Variants in OVGP1 observed in about 807,000 individuals in gnomAD.
OVGP1 encodes the protein oviductal glycoprotein 1.
Under a neutral mutation model 48.2 loss-of-function variants are expected in OVGP1, and 26 were observed. That is an observed-to-expected ratio of 0.54 (90% CI 0.40 to 0.75). The LOEUF (loss-of-function observed/expected upper bound fraction) is 0.75. OVGP1 is among the 30% of genes least tolerant of loss of function. The pLI is 0.00. For synonymous variants in OVGP1, 294 were observed against 305.7 expected (o/e 0.96, Z 0.40); for missense variants, 791 against 820.6 (o/e 0.96, Z 0.44).
intron 1 of OVGP1, chr1:111,427,461 G>T (rs1441467654): frequency 4.5e-5 from 35 of 778,692 alleles, no homozygotes; most frequent in Non-Finnish European, 5.5e-5. Flanking sequence ...CTGGTCCAAG[G>T]TGGAACTCAG....
At chr1:111,427,185 C>CAACA in intron 1 of OVGP1, 94 bp from the exon 2 acceptor site, 1 of 1,595,100 alleles carries the variant, frequency 6.3e-7, no homozygotes, top group South Asian at 1.1e-5. Context: ...GGGTGCCCAC[C>CAACA]AACACACCAC....
In OVGP1 at chr1:111,422,959, G is replaced by A. The variant is rs1265431527; in HGVS notation, c.576C>T (p.Val192=). Residue 192 remains valine (V), a synonymous_variant, in exon 6 of 11, where the codon GTC becomes GTT. Transcript: ENST00000369732. The part of the protein sequence containing the change: ...SAAVSGVPHI[V]QTSYDVRFLG... ...GAAAGCGCACATCATAGGATGTTTG[G>A]ACGATGTGTGGGACCCCAGAAACAG... 1.9e-6 allele frequency: 3 copies of A among 1,614,170 alleles called. No individual in the cohort carries two copies. The Admixed American group carries it at 5.0e-5, about 27-fold the overall frequency.
Position 111,427,733 on chromosome 1 carries a change from G to C in OVGP1, c.-12C>G, listed in dbSNP as rs1652432829. 2 of 1,608,982 alleles carry C rather than the reference G, an allele frequency of 1.2e-6. No homozygotes were observed. The highest frequency in any genetic ancestry group is 8.5e-7 in the Non-Finnish European group (1 of 1,177,698). On this transcript the variant is annotated 5_prime_UTR_variant, in exon 1 of 11. The change creates a new upstream start codon in the 5' untranslated region. Transcript: ENST00000369732. ...AACAGCTTCCACATCTCAATGGTCT[G>C]ATAGCTGTGAGTCCAGAGATGCAGC...
chr1:111,422,852 G>T, intron 6 of OVGP1, 75 bp downstream of exon 6: 1 of 1,555,446 alleles, frequency 6.4e-7, no homozygotes, highest in South Asian at 1.1e-5. Flanking sequence ...CAGTGCTTGG[G>T]AAGCTCTGGG....
Position 111,414,952 on chromosome 1 carries a change from C to T in OVGP1, c.1549G>A (p.Val517Met), listed in dbSNP as rs773134849. The T allele has an allele frequency of 2.6e-5, 21 of 806,988 alleles. No homozygotes were observed. The African/African-American group carries it at 3.2e-4, about 12-fold the overall frequency. 50.0% of individuals were successfully genotyped at this position (806,988 alleles called of 1,614,324 possible). ...GTCAGGGTCTTTTCCCCAGGGGTCA[C>T]AGACTGATAACCCACAGAGGTCAGG... is the stretch of plus-strand genomic sequence containing the variant. Reference protein sequence around the residue: ...KTLTSVGYQSVTPGEKTLTPV... With the variant: ...KTLTSVGYQSMTPGEKTLTPV... The change falls in exon 11 of 11, where the codon GTG becomes ATG. Residue 517 changes from valine to methionine, a missense_variant. By Grantham distance (21) the Val-to-Met change is conservative. Coordinates refer to ENST00000369732, the MANE Select transcript of OVGP1 (RefSeq NM_002557.4).
At chr1:111,427,404 TAAG>T in intron 1 of OVGP1, 1 of 971,302 alleles carries the variant, frequency 1.0e-6, no homozygotes, top group South Asian at 4.8e-5. Flanking sequence ...GGCTGCAAAT[TAAG>T]AAGTACTGAT....
In OVGP1 at chr1:111,415,022, G is replaced by A; in HGVS notation, c.1479C>T (p.Ala493=). 6.2e-7 allele frequency: 1 copy of A among 1,612,206 alleles called. No individual in the cohort carries two copies. The change falls in exon 11 of 11, where the codon GCC becomes GCT. Residue 493 remains alanine (A), a synonymous_variant. Transcript: ENST00000369732. ...GHQSMTPGEK[A]LTPVGHQSVT... is the part of the protein sequence containing the mutation. ...CAGATTGATGACCCACAGGGGTCAG[G>A]GCCTTCTCTCCAGGGGTCATGGACT... is the stretch of plus-strand genomic sequence containing the variant.
intron 4 of OVGP1, 104 bp from the exon 5 acceptor site, chr1:111,423,812 T>G (rs770105394): frequency 1.8e-6 from 2 of 1,107,226 alleles, no homozygotes; most frequent in African/African-American, 3.1e-5. Context: ...CTGGCAGATG[T>G]GGCTGGAGGA....
Position 111,422,641 on chromosome 1 carries a change from TC to T in OVGP1, c.608+285del, listed in dbSNP as rs532456921. 8.8e-3 allele frequency among the ~76,000 whole-genome samples: 1,339 copies of T among 152,266 alleles called. 13 individuals are homozygous for T. The highest frequency in any genetic ancestry group is 0.015 in the Non-Finnish European group (1,049 of 68,022). On this transcript the variant is annotated intron_variant, in intron 6 of 10. Transcript: ENST00000369732. ...AAGAGGACAGGCCCCTGGGAATCTCTCCTCGTGAGACCCAGCAATAGGCTGT... is the reference window on the plus strand; with the variant it reads ...AAGAGGACAGGCCCCTGGGAATCTCTCTCGTGAGACCCAGCAATAGGCTGT...
intron 1 of OVGP1, 177 bp from the exon 2 acceptor site, chr1:111,427,268 C>T (rs1171582839): frequency 5.1e-6 from 5 of 985,294 alleles, no homozygotes; most frequent in Non-Finnish European, 6.0e-6. Flanking sequence ...AAAGTTGGAC[C>T]AGTGGAGCTA....
chr1:111,427,600 G>A (rs1652428620), intron 1 of OVGP1, 97 bp downstream of exon 1: 1 of 1,433,866 alleles, frequency 7.0e-7, no homozygotes, highest in South Asian at 1.1e-5. Context: ...GCTTCCCTGA[G>A]TCTCAGGCTG....
In OVGP1 at chr1:111,426,589, T is replaced by C. The variant is rs374246543; in HGVS notation, c.108A>G (p.Pro36=). 1.6e-4 allele frequency: 252 copies of C among 1,613,982 alleles called. No homozygotes were observed. The highest frequency in any genetic ancestry group is 2.1e-4 in the Non-Finnish European group (244 of 1,180,010). ...CYFTNWAHSR[P]GPASILPHDL... The stretch of plus-strand genomic sequence containing the variant: ...CATGGGGCAAGATCGAGGCAGGGCC[T>C]GGCCGACTGTGTGCCCAGTTGGTGA... The change falls in exon 3 of 11, where the codon CCA becomes CCG. Residue 36 remains proline (P), a synonymous_variant. Transcript: ENST00000369732.
rs758995663 is a variant in OVGP1, at chr1:111,419,584, G to A, written c.1020+26C>T. On this transcript the variant is annotated intron_variant, in intron 9 of 10. Transcript: ENST00000369732. Reference sequence around the variant, plus strand: ...AGAAACCGGTAGGAAACCATGTGCTGGAGCATGAAAGAGCCAGGGTCTCAC... The same window carrying A: ...AGAAACCGGTAGGAAACCATGTGCTAGAGCATGAAAGAGCCAGGGTCTCAC... 2.3e-6 allele frequency: 3 copies of A among 1,322,922 alleles called. No homozygotes were observed. The South Asian group carries it at 3.5e-5, about 16-fold the overall frequency. 81.9% of individuals were successfully genotyped at this position (1,322,922 alleles called of 1,614,324 possible). A position where few individuals can be genotyped will look rare whatever the true frequency, so the allele number is the denominator to read the frequency against.
At chr1:111,427,207 G>A in intron 1 of OVGP1, 116 bp from the exon 2 acceptor site, 1 of 1,558,238 alleles carries the variant, frequency 6.4e-7, no homozygotes, top group Non-Finnish European at 8.7e-7. Context: ...TTATGCAGAT[G>A]CAGACACACA....
chr1:111,421,005 T>C (rs1652253546), intron 8 of OVGP1, among the ~76,000 whole-genome samples: 1 of 152,220 alleles, frequency 6.6e-6, no homozygotes, highest in African/African-American at 2.4e-5. Context: ...AAGTCAGGGT[T>C]TACCTGTATA....
At chr1:111,417,194 A>G (rs1377064975) in intron 9 of OVGP1, among the ~76,000 whole-genome samples, 2 of 152,238 alleles carry the variant, frequency 1.3e-5, no homozygotes, top group African/African-American at 4.8e-5. Flanking sequence ...ATTAATCACC[A>G]TTATTATCCT....
At chr1:111,421,916 G>T (rs563456987) in intron 6 of OVGP1, among the ~76,000 whole-genome samples, 20 of 152,306 alleles carry the variant, frequency 1.3e-4, no homozygotes, top group African/African-American at 4.6e-4. Flanking sequence ...GCAGGAGTTA[G>T]ATGAGAGAAA....
In OVGP1 at chr1:111,414,396, G is replaced by T; in HGVS notation, c.*68C>A. 2 of 1,416,346 alleles carry T rather than the reference G, an allele frequency of 1.4e-6. No individual in the cohort carries two copies. Among genetic ancestry groups the T allele is most frequent in the Non-Finnish European group, 1.9e-6 (2 of 1,046,610 alleles). 87.7% of individuals were successfully genotyped at this position (1,416,346 alleles called of 1,614,324 possible). On this transcript the variant is annotated 3_prime_UTR_variant, in exon 11 of 11. Transcript: ENST00000369732. ...TGATGCCTGCTTTGCCCCGGGATGA[G>T]AAGGCTTCCAACATGTCACTTAGAA...
At chr1:111,418,155 C>T (rs944787596) in intron 9 of OVGP1, among the ~76,000 whole-genome samples, 1 of 152,202 alleles carries the variant, frequency 6.6e-6, no homozygotes, top group South Asian at 2.1e-4. Context: ...TGTCAAAATC[C>T]CTTAACCATC....
Sources: allele counts gnomAD v4.1 joint callset (sites outside exome capture counted in the v4.1 genomes callset), GRCh38; gene constraint gnomAD v4.1.1; transcripts MANE v1.5; gene names NCBI Gene and HGNC (gene_info 2026-07-23, HGNC 2026-07-21).